SUPT3H: variants seen among roughly 807,000 people sequenced by gnomAD.
SUPT3H encodes the protein SPT3 homolog, SAGA and STAGA complex component.
Under a neutral mutation model 44.3 loss-of-function variants are expected in SUPT3H, and 44 were observed. That is an observed-to-expected ratio of 0.99 (90% confidence interval 0.78 to 1.28). The LOEUF (loss-of-function observed/expected upper bound fraction) is 1.28. SUPT3H is among the 50% of genes most tolerant of loss of function. The probability of loss-of-function intolerance (pLI) is 0.00; values close to 1 mark genes in which losing one functional copy is unlikely to be tolerated. For missense variants in SUPT3H, 380 were observed against 387.1 expected, an observed-to-expected ratio of 0.98 and a Z score of 0.15; for synonymous variants, 124 against 125.6, an observed-to-expected ratio of 0.99 and a Z score of 0.09.
chr6:45,006,591 C>T (rs1431058065), intron 5 of SUPT3H, among the ~76,000 whole-genome samples: 1 of 152,022 alleles, frequency 6.6e-6, no homozygotes, highest in Non-Finnish European at 1.5e-5. Context: ...ATCAATTATA[C>T]TCCTACCAAG....
chr6:44,948,577 G>A (rs199799207), intron 9 of SUPT3H, among the ~76,000 whole-genome samples: 18 of 152,212 alleles, frequency 1.2e-4, no homozygotes, highest in East Asian at 5.8e-4. Context: ...AAAAGTGGGC[G>A]AAGGATATGA....
At chr6:44,943,034 G>A (rs573354012) in intron 9 of SUPT3H, among the ~76,000 whole-genome samples, 18 of 152,210 alleles carry the variant, frequency 1.2e-4, no homozygotes, top group African/African-American at 4.3e-4. Context: ...AAGAAAGCAT[G>A]ACTTATATTC....
Position 44,829,653 on chromosome 6 carries a change from A to C in SUPT3H, c.*163T>G. 2 of 710,562 alleles carry C rather than the reference A, an allele frequency of 2.8e-6. No individual in the cohort carries two copies. The highest frequency in any genetic ancestry group is 4.8e-6 in the Non-Finnish European group (2 of 413,026). The allele number at this position is 710,562 out of a possible 1,614,324, so 44.0% of individuals were successfully genotyped here. A position where few individuals can be genotyped will look rare whatever the true frequency, so the allele number is the denominator to read the frequency against. On this transcript the variant is annotated 3_prime_UTR_variant, in exon 11 of 11. Transcript: ENST00000371459. ...ATCTAGTAAACAAGACCGATGGTTG[A>C]GGGGCTGGAAAAGAGGAGGAGTCAG...
At chr6:45,271,394 G>A (rs115588946) in intron 2 of SUPT3H, among the ~76,000 whole-genome samples, 29 of 152,276 alleles carry the variant, frequency 1.9e-4, no homozygotes, top group African/African-American at 5.1e-4. Flanking sequence ...GGTGTCCTAC[G>A]TGCCAGGTGC....
intron 2 of SUPT3H, among the ~76,000 whole-genome samples, chr6:45,232,150 A>T (rs1416094519): frequency 6.6e-6 from 1 of 152,198 alleles, no homozygotes; most frequent in African/African-American, 2.4e-5. Flanking sequence ...TAACATTGAT[A>T]TCTGCACATC....
At chr6:45,019,790 T>C (rs556307587) in intron 4 of SUPT3H, among the ~76,000 whole-genome samples, 4 of 152,130 alleles carry the variant, frequency 2.6e-5, no homozygotes, top group Admixed American at 6.6e-5. Context: ...GTTTCATGAG[T>C]CTTAAAATTC....
intron 2 of SUPT3H, among the ~76,000 whole-genome samples, chr6:45,162,940 T>A (rs1400635823): frequency 4.6e-5 from 7 of 152,186 alleles, no homozygotes; most frequent in Admixed American, 2.0e-4. Flanking sequence ...CCAAAGACTG[T>A]CTGCATCCCT....
At chr6:45,071,838 GC>G (rs1460487502) in intron 3 of SUPT3H, among the ~76,000 whole-genome samples, 2 of 152,266 alleles carry the variant, frequency 1.3e-5, no homozygotes, top group South Asian at 2.1e-4. Context: ...GATCTCTGAT[GC>G]CCAGACCTAC....
chr6:44,920,487 G>A (rs1020912081), intron 10 of SUPT3H, among the ~76,000 whole-genome samples: 4 of 151,410 alleles, frequency 2.6e-5, no homozygotes, highest in African/African-American at 9.7e-5. Flanking sequence ...ACTTGAGCCT[G>A]GGAGATGGAG....
chr6:44,895,571 G>A (rs1480497908), intron 10 of SUPT3H, among the ~76,000 whole-genome samples: 2 of 152,132 alleles, frequency 1.3e-5, no homozygotes, highest in Non-Finnish European at 1.5e-5. Context: ...AACAAAACAA[G>A]CAATAACAAA....
At chr6:45,188,341 C>T (rs1452375115) in intron 2 of SUPT3H, among the ~76,000 whole-genome samples, 4 of 152,128 alleles carry the variant, frequency 2.6e-5, no homozygotes, top group African/African-American at 7.2e-5. Flanking sequence ...TTCATGAAAT[C>T]GGGAAAAAGG....
intron 10 of SUPT3H, among the ~76,000 whole-genome samples, chr6:44,888,314 A>G (rs1181090423): frequency 1.3e-5 from 2 of 152,196 alleles, no homozygotes; most frequent in Non-Finnish European, 2.9e-5. Flanking sequence ...CACAACAAAA[A>G]AAGAGAATTT....
At chr6:45,190,469 G>A (rs2038764) in intron 2 of SUPT3H, among the ~76,000 whole-genome samples, 1,863 of 151,598 alleles carry the variant, frequency 0.012, 29 homozygotes, top group Admixed American at 0.053. Flanking sequence ...CTCTGTATAC[G>A]GGCCAATTCT....
At chr6:44,893,489 G>A (rs1312792677) in intron 10 of SUPT3H, among the ~76,000 whole-genome samples, 1 of 150,620 alleles carries the variant, frequency 6.6e-6, no homozygotes, top group Non-Finnish European at 1.5e-5. Context: ...TTTTGTTCTT[G>A]CAATAGTTTA....
chr6:45,340,814 C>A (rs956067950), intron 2 of SUPT3H, among the ~76,000 whole-genome samples: 26 of 151,894 alleles, frequency 1.7e-4, no homozygotes, highest in Admixed American at 1.6e-3. Context: ...TTAAAATAAT[C>A]TTGTATCATA....
intron 3 of SUPT3H, among the ~76,000 whole-genome samples, chr6:45,024,507 A>C (rs1217947519): frequency 1.3e-5 from 2 of 152,148 alleles, no homozygotes; most frequent in Non-Finnish European, 2.9e-5. Flanking sequence ...ATCTAAATTC[A>C]ATGTGGTCTT....
At chr6:45,158,173 C>A (rs1808171629) in intron 2 of SUPT3H, among the ~76,000 whole-genome samples, 1 of 141,790 alleles carries the variant, frequency 7.1e-6, no homozygotes, top group African/African-American at 2.6e-5. Context: ...GATCTACAAT[C>A]ATTTAATTGG....
chr6:44,929,220 T>C lies in SUPT3H; in HGVS notation c.912+3433A>G, dbSNP rs1770142056. 2.6e-5 allele frequency among the ~76,000 whole-genome samples: 4 copies of C among 152,144 alleles called. No homozygotes were observed. The South Asian group carries it at 8.3e-4, about 32-fold the overall frequency. On this transcript the variant is annotated intron_variant, in intron 10 of 10. Transcript: ENST00000371459. ...ACTTACAATTCTTTATATAATGAAT[T>C]ATATTCCTGAAATTGATCATGTCAT...
Position 44,872,429 on chromosome 6 carries a change from T to C in SUPT3H, c.913-42572A>G, listed in dbSNP as rs1488631645. ...CATAAGTGAAGGAGAAATAAAATAC[T>C]TTATAGACAAGCAAATGCTGAGAGA... On this transcript the variant is annotated intron_variant, in intron 10 of 10. Coordinates refer to ENST00000371459, the MANE Select transcript of SUPT3H (RefSeq NM_003599.4). Among the ~76,000 whole-genome samples, 7 of 140,042 alleles carry C rather than the reference T, an allele frequency of 5.0e-5. No individual in the cohort carries two copies. In the East Asian group the frequency reaches 1.5e-3, roughly 31 times the overall value. 91.9% of individuals were successfully genotyped at this position (140,042 alleles called of 152,430 possible). A position where few individuals can be genotyped will look rare whatever the true frequency, so the allele number is the denominator to read the frequency against.
Sources: allele counts gnomAD v4.1 joint callset (sites outside exome capture counted in the v4.1 genomes callset), GRCh38; gene constraint gnomAD v4.1.1; transcripts MANE v1.5; gene names NCBI Gene and HGNC (gene_info 2026-07-23, HGNC 2026-07-21).